Variants in TMTC1 observed in about 807,000 individuals in gnomAD.
TMTC1 encodes the protein transmembrane O-mannosyltransferase targeting cadherins 1, also known as protein O-mannosyl-transferase TMTC1.
A neutral mutation model predicts 104.8 loss-of-function variants in TMTC1; 73 were observed. That is an observed-to-expected ratio of 0.70 (90% CI 0.58 to 0.85). The LOEUF is 0.85. TMTC1 is among the 40% of genes least tolerant of loss of function. TMTC1 has a pLI of 0.00. For missense variants in TMTC1, 1,035 were observed against 1,096.1 expected, an observed-to-expected ratio of 0.94 and a Z score of 0.79; for synonymous variants, 434 against 428.7, an observed-to-expected ratio of 1.01 and a Z score of -0.15.
intron 5 of TMTC1, among the ~76,000 whole-genome samples, chr12:29,664,880 C>T (rs1715844022): frequency 1.3e-5 from 2 of 152,082 alleles, no homozygotes; most frequent in Admixed American, 1.3e-4. Context: ...CTTGCAAAGC[C>T]AGAGAACATG....
intron 5 of TMTC1, among the ~76,000 whole-genome samples, chr12:29,637,075 C>T (rs1312533291): frequency 4.5e-5 from 5 of 110,976 alleles, no homozygotes; most frequent in Non-Finnish European, 9.3e-5. Flanking sequence ...TGAAACGAAA[C>T]AAAATGAGAA....
intron 6 of TMTC1, among the ~76,000 whole-genome samples, chr12:29,624,011 T>C (rs890685695): frequency 9.3e-5 from 14 of 151,166 alleles, no homozygotes; most frequent in Admixed American, 8.6e-4. Context: ...TGAGATGGAG[T>C]CTCTGTTGCC....
intron 5 of TMTC1, among the ~76,000 whole-genome samples, chr12:29,736,827 A>C (rs2136931485): frequency 6.6e-6 from 1 of 152,352 alleles, no homozygotes; most frequent in African/African-American, 2.4e-5. Flanking sequence ...GCTTGCACAG[A>C]GATGCATTAA....
At chr12:29,664,004 G>A (rs949894117) in intron 5 of TMTC1, among the ~76,000 whole-genome samples, 1 of 151,530 alleles carries the variant, frequency 6.6e-6, no homozygotes, top group African/African-American at 2.4e-5. Flanking sequence ...CGGCTAAAAC[G>A]GTGAAACCCC....
chr12:29,745,636 A>AAAAG, intron 5 of TMTC1, among the ~76,000 whole-genome samples: 1 of 151,368 alleles, frequency 6.6e-6, no homozygotes, highest in Non-Finnish European at 1.5e-5. Context: ...AAAAAAAAAA[A>AAAAG]AAAGAAAGAA....
chr12:29,589,714 C>G (rs1009660441), intron 7 of TMTC1, among the ~76,000 whole-genome samples: 4 of 152,210 alleles, frequency 2.6e-5, no homozygotes, highest in African/African-American at 9.7e-5. Context: ...GCTAACAACA[C>G]AAACATTTAG....
chr12:29,551,196 T>C (rs1945093506), intron 10 of TMTC1, among the ~76,000 whole-genome samples: 1 of 152,152 alleles, frequency 6.6e-6, no homozygotes, highest in Non-Finnish European at 1.5e-5. Flanking sequence ...AAAAGTTTTC[T>C]TTATCCATGT....
At chr12:29,596,223 T>C (rs1335265781) in intron 7 of TMTC1, among the ~76,000 whole-genome samples, 1 of 152,166 alleles carries the variant, frequency 6.6e-6, no homozygotes, top group Non-Finnish European at 1.5e-5. Context: ...ACCAGACTGG[T>C]CTTGAACTCC....
chr12:29,500,953 A>AT lies in TMTC1; in HGVS notation c.*5892_*5893insA, dbSNP rs1373049254. ...TGGGAGAAATACTTTATGGAAGATA[A>AT]ATTCTAACGGGCACAGCCAAAGTAA... On this transcript the variant is annotated 3_prime_UTR_variant, in exon 18 of 18. Coordinates refer to ENST00000539277, the MANE Select transcript of TMTC1 (RefSeq NM_001193451.2). 6.6e-6 allele frequency: 1 copy of AT among 151,014 alleles called. No individual in the cohort carries two copies. Among genetic ancestry groups the AT allele is most frequent in the Non-Finnish European group, 1.5e-5 (1 of 67,514 alleles). 9.4% of individuals were successfully genotyped at this position (151,014 alleles called of 1,614,324 possible). A position where few individuals can be genotyped will look rare whatever the true frequency, so the allele number is the denominator to read the frequency against.
chr12:29,755,881 G>A lies in TMTC1; in HGVS notation c.559C>T (p.Leu187=), dbSNP rs761715106. The A allele has an allele frequency of 6.2e-7, 1 of 1,612,554 alleles. No homozygotes were observed. The highest frequency in any genetic ancestry group is 8.5e-7 in the Non-Finnish European group (1 of 1,179,608). The change falls in exon 4 of 18, where the codon CTG becomes TTG. Residue 187 remains leucine, a synonymous_variant. Coordinates refer to ENST00000539277, the MANE Select transcript of TMTC1 (RefSeq NM_001193451.2). ...LLAFLSYNRS[L]DQGCVGGSFP... ...CTTCCCCCAACACAGCCCTGATCCA[G>A]ACTCCTGAAAAACAAGTTGGAGATT...
chr12:29,599,986 G>GTGTATACATA (rs1565699720), intron 7 of TMTC1, among the ~76,000 whole-genome samples: 2 of 99,150 alleles, frequency 2.0e-5, no homozygotes, highest in African/African-American at 1.3e-4. Context: ...GTGTGTGTGT[G>GTGTATACATA]TATATACATA....
chr12:29,758,697 C>T lies in TMTC1; in HGVS notation c.554+7G>A, dbSNP rs773164704. ...TCACAGAGAAGGGCATTCTTAGCTACACATACCTGTTGTACGAGAGAAAGG... is the reference window on the plus strand; with the variant it reads ...TCACAGAGAAGGGCATTCTTAGCTATACATACCTGTTGTACGAGAGAAAGG... On this transcript the variant is annotated splice_region_variant and intron_variant, in intron 3 of 17. Coordinates refer to ENST00000539277, the MANE Select transcript of TMTC1 (RefSeq NM_001193451.2). 1 of 1,613,120 alleles carries T rather than the reference C, an allele frequency of 6.2e-7. No individual in the cohort carries two copies. The highest frequency in any genetic ancestry group is 8.5e-7 in the Non-Finnish European group (1 of 1,179,514).
At chr12:29,545,897 A>G (rs1386977390) in intron 10 of TMTC1, among the ~76,000 whole-genome samples, 1 of 152,164 alleles carries the variant, frequency 6.6e-6, no homozygotes, top group African/African-American at 2.4e-5. Flanking sequence ...GAGGACTTAC[A>G]CGCATTATTG....
intron 5 of TMTC1, among the ~76,000 whole-genome samples, chr12:29,738,539 C>A (rs1942742254): frequency 6.6e-6 from 1 of 152,118 alleles, no homozygotes; most frequent in Admixed American, 6.5e-5. Flanking sequence ...ATTGATCAAG[C>A]CAGAAAAAGA....
At chr12:29,659,824 GA>G in intron 5 of TMTC1, 1 of 1,328,816 alleles carries the variant, frequency 7.5e-7, no homozygotes, top group African/African-American at 1.5e-5. Context: ...TGTAATTTAA[GA>G]TTACTCAAAA....
intron 7 of TMTC1, among the ~76,000 whole-genome samples, chr12:29,593,806 C>T (rs1946342499): frequency 6.6e-6 from 1 of 152,184 alleles, no homozygotes; most frequent in Non-Finnish European, 1.5e-5. Context: ...AAAGTATTAA[C>T]TGTTTGGAAG....
intron 4 of TMTC1, among the ~76,000 whole-genome samples, chr12:29,754,391 G>A (rs966459196): frequency 2.0e-5 from 3 of 152,170 alleles, no homozygotes; most frequent in Non-Finnish European, 4.4e-5. Flanking sequence ...AAGATCAGAG[G>A]AGACATGACT....
At chr12:29,660,422 T>C (rs2136640043) in intron 5 of TMTC1, among the ~76,000 whole-genome samples, 1 of 152,238 alleles carries the variant, frequency 6.6e-6, no homozygotes, top group African/African-American at 2.4e-5. Context: ...CTAAAGCAGG[T>C]AGGGCAAATA....
At chr12:29,553,471 A>T (rs1454073998) in intron 10 of TMTC1, among the ~76,000 whole-genome samples, 1 of 152,228 alleles carries the variant, frequency 6.6e-6, no homozygotes, top group Non-Finnish European at 1.5e-5. Context: ...GTAACAGGCA[A>T]GAGGAGGTAA....
Sources: allele counts gnomAD v4.1 joint callset (sites outside exome capture counted in the v4.1 genomes callset), GRCh38; gene constraint gnomAD v4.1.1; transcripts MANE v1.5; gene names NCBI Gene and HGNC (gene_info 2026-07-23, HGNC 2026-07-21).